Variants in SCFD2 observed in about 807,000 individuals in gnomAD.
SCFD2 encodes sec1 family domain containing 2, also known as sec1 family domain-containing protein 2.
A neutral mutation model predicts 58.9 loss-of-function variants in SCFD2; 54 were observed. The ratio of observed to expected loss-of-function variants is 0.92; its 90% CI spans 0.74 to 1.15. The LOEUF is 1.15. Ranked by LOEUF, SCFD2 falls within the 50% of genes most tolerant of loss-of-function variation. The pLI is 0.00. For missense variants in SCFD2, 805 were observed against 836.6 expected (o/e 0.96, Z 0.47); for synonymous variants, 321 against 335.9 (o/e 0.96, Z 0.49).
chr4:53,136,205 T>A (rs544916638), intron 5 of SCFD2, among the ~76,000 whole-genome samples: 1 of 152,280 alleles, frequency 6.6e-6, no homozygotes, highest in African/African-American at 2.4e-5. Context: ...AGGTTGGGAA[T>A]CACTGGTCTA....
At chr4:52,939,680 G>A (rs923037407) in intron 5 of SCFD2, among the ~76,000 whole-genome samples, 1 of 151,660 alleles carries the variant, frequency 6.6e-6, no homozygotes, top group African/African-American at 2.4e-5. Context: ...TTTGACTAGG[G>A]TAAGGATGGG....
intron 5 of SCFD2, among the ~76,000 whole-genome samples, chr4:52,980,732 T>C (rs954043998): frequency 1.3e-5 from 2 of 152,178 alleles, no homozygotes; most frequent in Non-Finnish European, 2.9e-5. Flanking sequence ...GACACTGTTT[T>C]CTTCTTTGAC....
intron 5 of SCFD2, among the ~76,000 whole-genome samples, chr4:52,987,988 C>T (rs918489410): frequency 6.6e-6 from 1 of 152,150 alleles, no homozygotes; most frequent in Non-Finnish European, 1.5e-5. Flanking sequence ...GAAACGTCTG[C>T]GAAGATCAGA....
Position 53,273,984 on chromosome 4 carries a change from G to GT in SCFD2, c.1152dup (p.Gln385ThrfsTer48), listed in dbSNP as rs778746255. On this transcript the variant is annotated frameshift_variant, in exon 4 of 9. Coordinates refer to ENST00000401642, the MANE Select transcript of SCFD2 (RefSeq NM_152540.4). LOFTEE classifies it high-confidence loss of function. ...AAGAGCTGAATATAGGACATGAGCT[G>GT]TCCCGGTGTGACTCTCCCTGGAAAC... The GT allele has an allele frequency of 6.2e-7, 1 of 1,609,986 alleles. No individual in the cohort carries two copies. The highest frequency in any genetic ancestry group is 8.5e-7 in the Non-Finnish European group (1 of 1,178,258).
At chr4:53,205,280 A>G (rs1336668325) in intron 4 of SCFD2, among the ~76,000 whole-genome samples, 1 of 152,086 alleles carries the variant, frequency 6.6e-6, no homozygotes, top group Admixed American at 6.6e-5. Flanking sequence ...CCACTGTCCC[A>G]TTTACCTCTG....
At chr4:53,231,159 A>C (rs954738994) in intron 4 of SCFD2, among the ~76,000 whole-genome samples, 1 of 152,152 alleles carries the variant, frequency 6.6e-6, no homozygotes, top group African/African-American at 2.4e-5. Context: ...ATCCCTTATA[A>C]ATTGAAAACT....
chr4:53,158,135 C>T (rs1726746009), intron 4 of SCFD2, among the ~76,000 whole-genome samples: 1 of 152,104 alleles, frequency 6.6e-6, no homozygotes, highest in South Asian at 2.1e-4. Context: ...TATATAGTTC[C>T]AGCACAAATA....
At chr4:53,076,639 A>G (rs1723984544) in intron 5 of SCFD2, among the ~76,000 whole-genome samples, 1 of 152,150 alleles carries the variant, frequency 6.6e-6, no homozygotes. Context: ...AAAAGCAGTA[A>G]TTTTAAAAGC....
At chr4:53,169,138 G>A (rs952057837) in intron 4 of SCFD2, among the ~76,000 whole-genome samples, 28 of 152,306 alleles carry the variant, frequency 1.8e-4, no homozygotes, top group African/African-American at 6.7e-4. Context: ...CACTTTGGGA[G>A]GCTGAGGCGG....
chr4:52,944,657 C>T (rs1021572401), intron 5 of SCFD2, among the ~76,000 whole-genome samples: 2 of 152,206 alleles, frequency 1.3e-5, no homozygotes, highest in South Asian at 2.1e-4. Flanking sequence ...TCTCTCTTTT[C>T]ACATGTTTAA....
intron 5 of SCFD2, among the ~76,000 whole-genome samples, chr4:53,073,186 T>G (rs1723873021): frequency 6.6e-6 from 1 of 152,086 alleles, no homozygotes; most frequent in African/African-American, 2.4e-5. Context: ...CTAATTATAT[T>G]AGGTATTATA....
At chr4:52,990,859 A>G (rs1721599172) in intron 5 of SCFD2, among the ~76,000 whole-genome samples, 1 of 152,212 alleles carries the variant, frequency 6.6e-6, no homozygotes, top group African/African-American at 2.4e-5. Context: ...CACTCTTGTA[A>G]CTCTTACGCA....
chr4:53,009,229 G>A (rs1722044475), intron 5 of SCFD2, among the ~76,000 whole-genome samples: 1 of 152,136 alleles, frequency 6.6e-6, no homozygotes, highest in Admixed American at 6.5e-5. Flanking sequence ...CCTCTGTCAT[G>A]GATTAACTTC....
chr4:52,897,367 G>C (rs1360472095), intron 7 of SCFD2, among the ~76,000 whole-genome samples: 1 of 152,208 alleles, frequency 6.6e-6, no homozygotes, highest in East Asian at 1.9e-4. Flanking sequence ...TTAGTGTGAA[G>C]TGTTGTTGAA....
At chr4:53,196,537 G>A (rs968138892) in intron 4 of SCFD2, among the ~76,000 whole-genome samples, 6 of 152,078 alleles carry the variant, frequency 3.9e-5, no homozygotes, top group Non-Finnish European at 5.9e-5. Context: ...AAGACCATTC[G>A]CGAGAGACTG....
intron 5 of SCFD2, among the ~76,000 whole-genome samples, chr4:53,001,732 T>A (rs1435750759): frequency 6.6e-6 from 1 of 152,208 alleles, no homozygotes; most frequent in African/African-American, 2.4e-5. Context: ...TATGTATATG[T>A]TGGTATATTT....
chr4:53,351,427 ATT>A (rs1734216854), intron 2 of SCFD2, among the ~76,000 whole-genome samples: 1 of 152,252 alleles, frequency 6.6e-6, no homozygotes, highest in Non-Finnish European at 1.5e-5. Context: ...TAGCAGATAC[ATT>A]AATCTTAACT....
intron 4 of SCFD2, among the ~76,000 whole-genome samples, chr4:53,271,533 G>A (rs1422429121): frequency 2.0e-5 from 3 of 151,694 alleles, no homozygotes; most frequent in Non-Finnish European, 4.4e-5. Context: ...CACAATCTCA[G>A]CTCACTGCAA....
intron 4 of SCFD2, among the ~76,000 whole-genome samples, chr4:53,179,352 T>A (rs1727461910): frequency 1.3e-5 from 2 of 152,098 alleles, no homozygotes; most frequent in African/African-American, 4.8e-5. Context: ...TATTCAACAT[T>A]CTTAAAAAAA....
Sources: allele counts gnomAD v4.1 joint callset (sites outside exome capture counted in the v4.1 genomes callset), GRCh38; gene constraint gnomAD v4.1.1; transcripts MANE v1.5; gene names NCBI Gene and HGNC (gene_info 2026-07-23, HGNC 2026-07-21).